The following EPM2A variants were observed in gnomAD, a reference collection of about 807,000 sequenced individuals.
The protein encoded by EPM2A is laforin.
A neutral mutation model predicts 26.5 loss-of-function variants in EPM2A; 21 were observed. The observed-to-expected ratio is 0.79, with a 90% CI of 0.56 to 1.14. The LOEUF is 1.14. Among genes scored for constraint, EPM2A ranks in the 50% most tolerant of loss-of-function variants. The probability of loss-of-function intolerance (pLI) is 0.00; values close to 1 mark genes in which losing one functional copy is unlikely to be tolerated. For synonymous variants in EPM2A, 217 were observed against 177.6 expected (o/e 1.22, Z -1.76); for missense variants, 458 against 440.8 (o/e 1.04, Z -0.35).
chr6:145,589,053 T>C (rs1159759369), intron 2 of EPM2A, among the ~76,000 whole-genome samples: 1 of 152,198 alleles, frequency 6.6e-6, no homozygotes, highest in Admixed American at 6.5e-5. Flanking sequence ...GCCCCAACCC[T>C]GGCTGTGATC....
intron 4 of EPM2A, among the ~76,000 whole-genome samples, chr6:145,455,014 CAT>C (rs963595170): frequency 1.3e-5 from 2 of 151,916 alleles, no homozygotes; most frequent in African/African-American, 4.8e-5. Flanking sequence ...TGTGTGTACA[CAT>C]ATATAAACAT....
chr6:145,486,514 A>G (rs1453794417), intron 4 of EPM2A, among the ~76,000 whole-genome samples: 6 of 152,152 alleles, frequency 3.9e-5, no homozygotes, highest in Admixed American at 6.5e-5. Flanking sequence ...GTTTTTAACT[A>G]GAGTCATCAT....
chr6:145,581,301 T>A (rs1020608403), intron 2 of EPM2A, among the ~76,000 whole-genome samples: 12 of 152,196 alleles, frequency 7.9e-5, no homozygotes, highest in Non-Finnish European at 1.5e-4. Flanking sequence ...TATGTGTTCT[T>A]TGAAAAAGTG....
At chr6:145,446,071 C>T (rs914893928) in intron 4 of EPM2A, among the ~76,000 whole-genome samples, 1 of 152,182 alleles carries the variant, frequency 6.6e-6, no homozygotes, top group Non-Finnish European at 1.5e-5. Flanking sequence ...AGCTGAGCCA[C>T]AAGCCAACAG....
intron 2 of EPM2A, among the ~76,000 whole-genome samples, chr6:145,522,426 T>C (rs765154131): frequency 3.9e-5 from 6 of 152,074 alleles, no homozygotes; most frequent in Non-Finnish European, 8.8e-5. Flanking sequence ...GATAATGGCA[T>C]CATTCATCCA....
At chr6:145,545,001 T>C (rs1005901383) in intron 2 of EPM2A, among the ~76,000 whole-genome samples, 1 of 152,228 alleles carries the variant, frequency 6.6e-6, no homozygotes, top group Non-Finnish European at 1.5e-5. Context: ...AAATACCATC[T>C]TGGCATTGCC....
chr6:145,693,394 T>C (rs1190125635), intron 1 of EPM2A, among the ~76,000 whole-genome samples: 2 of 152,020 alleles, frequency 1.3e-5, no homozygotes, highest in African/African-American at 2.4e-5. Flanking sequence ...CCTATTTGGA[T>C]GTGGAGGCAA....
At chr6:145,459,160 G>A (rs2114715146) in intron 4 of EPM2A, among the ~76,000 whole-genome samples, 1 of 152,310 alleles carries the variant, frequency 6.6e-6, no homozygotes, top group South Asian at 2.1e-4. Flanking sequence ...GTATGGACAA[G>A]TGGGGATATG....
chr6:145,451,846 AAC>A (rs2114709237), intron 4 of EPM2A, among the ~76,000 whole-genome samples: 1 of 151,804 alleles, frequency 6.6e-6, no homozygotes, highest in East Asian at 1.9e-4. Context: ...AAACATATAA[AAC>A]ACATATCAGC....
intron 2 of EPM2A, among the ~76,000 whole-genome samples, chr6:145,523,452 C>T (rs365658): frequency 0.45 from 68,470 of 152,016 alleles, 15,472 homozygotes; most frequent in South Asian, 0.59. Flanking sequence ...CATATCTTGA[C>T]CATTCTCACA....
At chr6:145,714,611 AAAAG>A (rs1478581722) in intron 1 of EPM2A, among the ~76,000 whole-genome samples, 2 of 152,236 alleles carry the variant, frequency 1.3e-5, no homozygotes, top group Non-Finnish European at 2.9e-5. Context: ...GGCAATTTAC[AAAAG>A]AAAGAGGTTT....
intron 2 of EPM2A, among the ~76,000 whole-genome samples, chr6:145,580,098 A>C (rs1448104140): frequency 1.3e-5 from 2 of 152,180 alleles, no homozygotes; most frequent in African/African-American, 4.8e-5. Context: ...AGAAAAGGTT[A>C]TTATAGATTT....
chr6:145,730,401 GTGA>G, intron 1 of EPM2A, among the ~76,000 whole-genome samples: 1 of 152,206 alleles, frequency 6.6e-6, no homozygotes, highest in Non-Finnish European at 1.5e-5. Context: ...AAATGCACAT[GTGA>G]TGAACAGAGC....
chr6:145,551,278 T>G (rs913238624), intron 2 of EPM2A, among the ~76,000 whole-genome samples: 2 of 152,042 alleles, frequency 1.3e-5, no homozygotes, highest in African/African-American at 4.8e-5. Context: ...AATCCAAACA[T>G]CTTAAAAATT....
chr6:145,677,254 A>G (rs1780123214), intron 2 of EPM2A, among the ~76,000 whole-genome samples: 1 of 152,240 alleles, frequency 6.6e-6, no homozygotes, highest in Admixed American at 6.5e-5. Flanking sequence ...AAAAACTCTC[A>G]ATAAACTAGG....
intron 2 of EPM2A, among the ~76,000 whole-genome samples, chr6:145,582,943 C>A (rs2114838088): frequency 6.6e-6 from 1 of 152,264 alleles, no homozygotes; most frequent in East Asian, 1.9e-4. Flanking sequence ...TTGGTCTATT[C>A]TGTTGTTAAT....
chr6:145,669,626 G>A (rs554497515), intron 2 of EPM2A, among the ~76,000 whole-genome samples: 3 of 152,082 alleles, frequency 2.0e-5, no homozygotes, highest in Admixed American at 6.6e-5. Context: ...AAAATTTCCA[G>A]TCTGCCAAGC....
At chr6:145,720,321 A>T (rs1775886940) in intron 1 of EPM2A, among the ~76,000 whole-genome samples, 1 of 152,194 alleles carries the variant, frequency 6.6e-6, no homozygotes, top group African/African-American at 2.4e-5. Flanking sequence ...CAAACCAATG[A>T]CAAAATATTG....
chr6:145,573,107 A>G (rs560946713), intron 2 of EPM2A, among the ~76,000 whole-genome samples: 25 of 152,340 alleles, frequency 1.6e-4, no homozygotes, highest in African/African-American at 5.8e-4. Context: ...TCTCACCAGT[A>G]AGTCCAGTGT....
Sources: allele counts gnomAD v4.1 joint callset (sites outside exome capture counted in the v4.1 genomes callset), GRCh38; gene constraint gnomAD v4.1.1; transcripts MANE v1.5; gene names NCBI Gene and HGNC (gene_info 2026-07-23, HGNC 2026-07-21).